Variants in HDAC9 observed in about 807,000 individuals in gnomAD.
HDAC9 encodes MEF-2 interacting transcription repressor (MITR) protein.
HDAC9 carries 41 observed loss-of-function variants against 139.4 expected under a neutral mutation model. The observed-to-expected ratio is 0.29, with a 90% CI of 0.23 to 0.38. The LOEUF (loss-of-function observed/expected upper bound fraction) is 0.38, where lower values mean the gene tolerates loss of function less well. Among genes scored for constraint, HDAC9 ranks in the 10% least tolerant of loss-of-function variants. The pLI, the probability that HDAC9 is intolerant of heterozygous loss-of-function variation, is 1.00. For missense variants in HDAC9, 1,147 were observed against 1,297.0 expected, an observed-to-expected ratio of 0.88 and a Z score of 1.78; for synonymous variants, 517 against 476.2, an observed-to-expected ratio of 1.09 and a Z score of -1.12.
chr7:18,835,060 G>T (rs1289188563), intron 19 of HDAC9, among the ~76,000 whole-genome samples: 1 of 152,118 alleles, frequency 6.6e-6, no homozygotes, highest in Non-Finnish European at 1.5e-5. Context: ...ATGAACTGTT[G>T]GCAGTTAATA....
intron 1 of HDAC9, among the ~76,000 whole-genome samples, chr7:18,157,295 AACATC>A (rs1787285176): frequency 6.6e-6 from 1 of 152,182 alleles, no homozygotes; most frequent in African/African-American, 2.4e-5. Context: ...AATAATGTTG[AACATC>A]ACTCTAGGAG....
intron 12 of HDAC9, among the ~76,000 whole-genome samples, chr7:18,686,483 A>G (rs932392375): frequency 2.6e-5 from 4 of 151,932 alleles, no homozygotes; most frequent in Admixed American, 6.6e-5. Context: ...TCTTGTGGTC[A>G]TGGCTTGGAA....
chr7:18,696,843 C>T (rs1783089992), intron 12 of HDAC9, among the ~76,000 whole-genome samples: 2 of 151,168 alleles, frequency 1.3e-5, no homozygotes, highest in Admixed American at 6.6e-5. Context: ...ATTGAACAAC[C>T]ATTTGGTTTG....
intron 13 of HDAC9, among the ~76,000 whole-genome samples, chr7:18,743,175 C>A (rs1354256724): frequency 6.6e-6 from 1 of 152,102 alleles, no homozygotes. Flanking sequence ...TTTTTGCCAA[C>A]TTACATGCTG....
At chr7:18,772,899 T>C (rs1354612624) in intron 16 of HDAC9, among the ~76,000 whole-genome samples, 1 of 152,126 alleles carries the variant, frequency 6.6e-6, no homozygotes, top group Non-Finnish European at 1.5e-5. Context: ...CCTTCTAAAT[T>C]GCAAAGGAAG....
At chr7:18,914,243 C>T (rs1411823316) in intron 22 of HDAC9, among the ~76,000 whole-genome samples, 1 of 151,554 alleles carries the variant, frequency 6.6e-6, no homozygotes, top group Non-Finnish European at 1.5e-5. Flanking sequence ...GAACTTCCCA[C>T]CCTCCAGAAA....
intron 1 of HDAC9, among the ~76,000 whole-genome samples, chr7:18,402,479 TGTA>T: frequency 6.6e-6 from 1 of 152,252 alleles, no homozygotes; most frequent in East Asian, 1.9e-4. Flanking sequence ...TCACTATCAA[TGTA>T]GTATAAAGTA....
rs554245336 is a variant in HDAC9 at position 18,867,496 on chromosome 7, G to A, written c.2685-6982G>A. Among the ~76,000 whole-genome samples, 9 of 152,320 alleles carry A rather than the reference G, an allele frequency of 5.9e-5. No individual in the cohort carries two copies. The South Asian group carries it at 1.7e-3, about 28-fold the overall frequency. On this transcript the variant is annotated intron_variant, in intron 21 of 25. Coordinates refer to ENST00000686413, the MANE Select transcript of HDAC9 (RefSeq NM_178425.4). ...ACTTAAATACTAGTATGTGATAGCT[G>A]CAAGCAGCATTAAAGTTTAAAAATA... is the stretch of plus-strand genomic sequence containing the variant.
At position 18,170,602 on chromosome 7, in the gene HDAC9, C is replaced by T. The variant is rs1584442230; in HGVS notation, c.25+8253C>T. 2.6e-5 allele frequency among the ~76,000 whole-genome samples: 4 copies of T among 152,100 alleles called. No individual in the cohort carries two copies. In the East Asian group the frequency reaches 7.7e-4, roughly 29 times the overall value. On this transcript the variant is annotated intron_variant, in intron 2 of 12. Coordinates refer to the HDAC9 transcript ENST00000417496. ...TAGGTCTAACATTTAAGTCTTTAATCCATCTTGAATTAATTTTTATATAAG... is the reference window on the plus strand; with the variant it reads ...TAGGTCTAACATTTAAGTCTTTAATTCATCTTGAATTAATTTTTATATAAG...
intron 22 of HDAC9, among the ~76,000 whole-genome samples, chr7:18,906,545 G>C (rs1477463716): frequency 1.3e-5 from 2 of 152,204 alleles, no homozygotes; most frequent in South Asian, 4.1e-4. Context: ...TTTCTGCCCT[G>C]CTACAAATGC....
At chr7:18,508,496 A>G (rs1691173166) in intron 2 of HDAC9, among the ~76,000 whole-genome samples, 2 of 152,294 alleles carry the variant, frequency 1.3e-5, no homozygotes, top group Admixed American at 1.3e-4. Flanking sequence ...TTTCATAGAG[A>G]TCGTGAACCA....
At chr7:18,988,223 T>C (rs1376149427) in intron 25 of HDAC9, among the ~76,000 whole-genome samples, 1 of 152,178 alleles carries the variant, frequency 6.6e-6, no homozygotes, top group Non-Finnish European at 1.5e-5. Flanking sequence ...TTCCTCTACA[T>C]ACTGCTTTGA....
intron 22 of HDAC9, among the ~76,000 whole-genome samples, chr7:18,909,719 T>C (rs993171586): frequency 6.6e-6 from 1 of 152,022 alleles, no homozygotes; most frequent in Non-Finnish European, 1.5e-5. Context: ...AGACTGTCCC[T>C]TCCCCAACGT....
At chr7:18,133,237 C>A (rs1419539264) in intron 1 of HDAC9, among the ~76,000 whole-genome samples, 1 of 152,106 alleles carries the variant, frequency 6.6e-6, no homozygotes, top group Non-Finnish European at 1.5e-5. Context: ...CATGGCATAT[C>A]AGTAAAATAC....
chr7:18,614,638 A>G (rs2128921027), intron 6 of HDAC9, among the ~76,000 whole-genome samples: 1 of 152,298 alleles, frequency 6.6e-6, no homozygotes, highest in East Asian at 1.9e-4. Flanking sequence ...ATCCCAATTA[A>G]AGTCAACAAA....
intron 21 of HDAC9, among the ~76,000 whole-genome samples, chr7:18,845,838 C>T (rs1453816524): frequency 2.0e-5 from 3 of 152,116 alleles, no homozygotes; most frequent in African/African-American, 4.8e-5. Context: ...GTCCAGGCCT[C>T]GAAGGAAGAG....
chr7:18,840,282 A>G (rs1796503769), intron 21 of HDAC9, among the ~76,000 whole-genome samples: 1 of 152,024 alleles, frequency 6.6e-6, no homozygotes, highest in Non-Finnish European at 1.5e-5. Context: ...TTTTCATGTC[A>G]GTATGTTGTA....
chr7:18,419,707 A>G (rs1216375397), intron 1 of HDAC9, among the ~76,000 whole-genome samples: 1 of 152,220 alleles, frequency 6.6e-6, no homozygotes, highest in Non-Finnish European at 1.5e-5. Flanking sequence ...AAGGAAACAG[A>G]CATTCCAGAA....
intron 23 of HDAC9, 110 bp from the exon 24 acceptor site, chr7:18,954,036 T>A (rs1782981374): frequency 1.4e-6 from 1 of 720,856 alleles, no homozygotes; most frequent in African/African-American, 1.8e-5. Flanking sequence ...TAACTAGTTC[T>A]CGGAGCAAGC....
Sources: allele counts gnomAD v4.1 joint callset (sites outside exome capture counted in the v4.1 genomes callset), GRCh38; gene constraint gnomAD v4.1.1; transcripts MANE v1.5; gene names NCBI Gene and HGNC (gene_info 2026-07-23, HGNC 2026-07-21).